Variants in SEMA6A observed in about 807,000 individuals in gnomAD.
SEMA6A encodes the protein semaphorin-6A.
A neutral mutation model predicts 96.8 loss-of-function variants in SEMA6A; 25 were observed. The ratio of observed to expected loss-of-function variants is 0.26; its 90% CI spans 0.19 to 0.36. SEMA6A has a LOEUF of 0.36. SEMA6A is among the 10% of genes least tolerant of loss of function. The pLI is 1.00. For synonymous variants in SEMA6A, 612 were observed against 518.0 expected (o/e 1.18, Z -2.46); for missense variants, 1,363 against 1,323.1 (o/e 1.03, Z -0.47).
chr5:116,525,040 C>T (rs972435494), intron 1 of SEMA6A, among the ~76,000 whole-genome samples: 9 of 152,110 alleles, frequency 5.9e-5, no homozygotes, highest in African/African-American at 2.2e-4. Flanking sequence ...ATTCTTTATT[C>T]CTGGAGCAAG....
chr5:116,476,006 AC>A (rs1411557479), intron 15 of SEMA6A, among the ~76,000 whole-genome samples: 1 of 152,138 alleles, frequency 6.6e-6, no homozygotes, highest in Non-Finnish European at 1.5e-5. Context: ...TTTCACTCCT[AC>A]CCTTGCCTTC....
In SEMA6A at chr5:116,486,778, G is replaced by A. The variant is rs755796870; in HGVS notation, c.933C>T (p.Val311=). The A allele has an allele frequency of 6.2e-7, 1 of 1,613,738 alleles. No homozygotes were observed. Among genetic ancestry groups the A allele is most frequent in the South Asian group, 1.1e-5 (1 of 91,076 alleles). The stretch of plus-strand genomic sequence containing the variant: ...TATAAGGTGTAGAAAACGTTGCCAG[G>A]ACAACATCACGCCCGTTGATACGAA... ...DVIRINGRDV[V]LATFSTPYNS... Residue 311 remains valine (V), a synonymous_variant, in exon 10 of 19, where the codon GTC becomes GTT. Coordinates refer to ENST00000343348, the MANE Select transcript of SEMA6A (RefSeq NM_020796.5).
intron 18 of SEMA6A, chr5:116,449,562 G>T (rs1754495928): frequency 5.6e-6 from 3 of 537,356 alleles, no homozygotes; most frequent in Non-Finnish European, 9.9e-6. Flanking sequence ...GATTTCTGAA[G>T]TGATGGTTTT....
At chr5:116,478,798 G>A (rs78598812) in intron 12 of SEMA6A, 80 bp from the exon 13 acceptor site, 89 of 1,390,158 alleles carry the variant, frequency 6.4e-5, no homozygotes, top group African/African-American at 6.4e-4. Context: ...AAACAGCTGC[G>A]ACATAGCCTT....
chr5:116,562,906 C>T (rs1310042114), intron 1 of SEMA6A: 16 of 601,244 alleles, frequency 2.7e-5, no homozygotes, highest in South Asian at 1.7e-4. Context: ...AGTCGGCCCT[C>T]GAGCCCTTGC....
chr5:116,509,014 CTTGT>C (rs1178720836), intron 1 of SEMA6A, among the ~76,000 whole-genome samples: 1 of 152,246 alleles, frequency 6.6e-6, no homozygotes, highest in East Asian at 1.9e-4. Flanking sequence ...ATGAACACTG[CTTGT>C]TTTAGAGACC....
chr5:116,444,029 T>C lies in SEMA6A; in HGVS notation c.*2584A>G, dbSNP rs1374521862. The C allele has an allele frequency of 3.3e-5, 5 of 151,868 alleles. No individual in the cohort carries two copies. The highest frequency in any genetic ancestry group is 6.6e-5 in the Admixed American group (1 of 15,242). 9.4% of individuals were successfully genotyped at this position (151,868 alleles called of 1,614,324 possible). A position where few individuals can be genotyped will look rare whatever the true frequency, so the allele number is the denominator to read the frequency against. On this transcript the variant is annotated 3_prime_UTR_variant, in exon 19 of 19. Transcript: ENST00000343348. ...TGGACAAGACAGCCGCTTACGTCAA[T>C]GATGGGTGCTGCACTGCCAGTACTC...
intron 1 of SEMA6A, among the ~76,000 whole-genome samples, chr5:116,556,253 T>C (rs1760601602): frequency 6.6e-6 from 1 of 152,212 alleles, no homozygotes; most frequent in African/African-American, 2.4e-5. Flanking sequence ...AATGATTACT[T>C]ACTTAGTTAT....
intron 4 of SEMA6A, among the ~76,000 whole-genome samples, 156 bp from the exon 5 acceptor site, chr5:116,496,469 G>C (rs1757609306): frequency 6.6e-6 from 1 of 152,166 alleles, no homozygotes; most frequent in African/African-American, 2.4e-5. Flanking sequence ...AACAACAAAA[G>C]ATTCCAGATG....
intron 17 of SEMA6A, chr5:116,471,157 A>G (rs904361346): frequency 6.6e-6 from 1 of 152,248 alleles, no homozygotes; most frequent in Non-Finnish European, 1.5e-5. Context: ...GGATAGGATC[A>G]TTAGCTGAAA....
intron 1 of SEMA6A, among the ~76,000 whole-genome samples, chr5:116,539,745 G>A (rs1241314328): frequency 6.6e-6 from 1 of 151,918 alleles, no homozygotes; most frequent in Non-Finnish European, 1.5e-5. Context: ...CATCAGTGGT[G>A]GAAATTATTT....
intron 13 of SEMA6A, 80 bp downstream of exon 13, chr5:116,478,462 G>A (rs1028607005): frequency 1.6e-5 from 22 of 1,367,250 alleles, no homozygotes; most frequent in African/African-American, 1.0e-4. Flanking sequence ...AACCTCAGTC[G>A]GTCATGATTT....
intron 3 of SEMA6A, among the ~76,000 whole-genome samples, chr5:116,501,646 G>A (rs1316982626): frequency 2.6e-5 from 4 of 152,180 alleles, no homozygotes; most frequent in African/African-American, 7.2e-5. Context: ...CCAGCACTTT[G>A]GGAGGCCGAG....
chr5:116,446,455 G>T lies in SEMA6A; in HGVS notation c.*158C>A. ...CCAAACCACGCGGCCCAGTTTTCGTGAGTACCCCTGTGTCCCAGAGAGGAG... is the reference window on the plus strand; with the variant it reads ...CCAAACCACGCGGCCCAGTTTTCGTTAGTACCCCTGTGTCCCAGAGAGGAG... On this transcript the variant is annotated 3_prime_UTR_variant, in exon 19 of 19. Coordinates refer to ENST00000343348, the MANE Select transcript of SEMA6A (RefSeq NM_020796.5). 1 of 586,884 alleles carries T rather than the reference G, an allele frequency of 1.7e-6. No homozygotes were observed. Among genetic ancestry groups the T allele is most frequent in the Non-Finnish European group, 2.8e-6 (1 of 360,276 alleles). 36.4% of individuals were successfully genotyped at this position (586,884 alleles called of 1,614,324 possible). A position where few individuals can be genotyped will look rare whatever the true frequency, so the allele number is the denominator to read the frequency against.
At chr5:116,520,978 A>C (rs1758920737) in intron 1 of SEMA6A, among the ~76,000 whole-genome samples, 1 of 152,204 alleles carries the variant, frequency 6.6e-6, no homozygotes, top group African/African-American at 2.4e-5. Flanking sequence ...ATGTCCCTGG[A>C]ATCAAAAGAC....
chr5:116,539,743 G>A (rs1759881910), intron 1 of SEMA6A, among the ~76,000 whole-genome samples: 2 of 152,028 alleles, frequency 1.3e-5, no homozygotes, highest in African/African-American at 2.4e-5. Context: ...TCCATCAGTG[G>A]TGGAAATTAT....
intron 17 of SEMA6A, chr5:116,472,844 C>G (rs1194045944): frequency 7.2e-7 from 1 of 1,392,422 alleles, no homozygotes; most frequent in South Asian, 1.4e-5. Flanking sequence ...GGATGAATGA[C>G]TTCACGAATT....
chr5:116,537,772 T>G lies in SEMA6A; in HGVS notation c.-38-32790A>C, dbSNP rs530641829. On this transcript the variant is annotated intron_variant, in intron 1 of 18. Transcript: ENST00000343348. ...AAAAAGAGAGAAAAGAAACAGGAAA[T>G]ACACAGAGAATAACCATATAAGTAT... is the stretch of plus-strand genomic sequence containing the variant. Among the ~76,000 whole-genome samples, 62 of 152,124 alleles carry G rather than the reference T, an allele frequency of 4.1e-4. 1 individual carries two copies. In the South Asian group the frequency reaches 0.012, roughly 30 times the overall value.
intron 1 of SEMA6A, among the ~76,000 whole-genome samples, chr5:116,509,267 A>G (rs2112786193): frequency 6.6e-6 from 1 of 152,336 alleles, no homozygotes; most frequent in Admixed American, 6.5e-5. Flanking sequence ...TAACAACTCC[A>G]AGTGTGGGCT....
Sources: gnomAD v4.1 joint callset for allele counts (sites outside exome capture counted in the v4.1 genomes callset) on GRCh38, gnomAD v4.1.1 for gene constraint, MANE v1.5 for transcripts, NCBI Gene and HGNC (gene_info 2026-07-23, HGNC 2026-07-21) for gene names.